The following SWI5 variants were observed in gnomAD, a reference collection of about 807,000 sequenced individuals.
SWI5 encodes DNA repair protein SWI5 homolog.
Under a neutral mutation model 17.0 loss-of-function variants are expected in SWI5, and 12 were observed. The ratio of observed to expected loss-of-function variants is 0.71; its 90% CI spans 0.45 to 1.14. SWI5 has a LOEUF of 1.14. SWI5 is among the 50% of genes most tolerant of loss of function. SWI5 has a pLI of 0.00. For synonymous variants in SWI5, 61 were observed against 64.0 expected, an observed-to-expected ratio of 0.95 and a Z score of 0.22; for missense variants, 158 against 162.2, an observed-to-expected ratio of 0.97 and a Z score of 0.14.
rs1831629147 is a variant in SWI5 at position 128,285,843 on chromosome 9, G to C, written c.234-96G>C. On this transcript the variant is annotated intron_variant, in intron 3 of 4. Transcript: ENST00000418976. The surrounding 1 kb of genome is among the most constrained non-coding windows in gnomAD (Gnocchi z 4.8). ...TATCCCTAGTACCTATCACCGAGTAGGCCATTACAGATGCCTTATTACTAT... is the reference window on the plus strand; with the variant it reads ...TATCCCTAGTACCTATCACCGAGTACGCCATTACAGATGCCTTATTACTAT... 1.3e-6 allele frequency: 1 copy of C among 796,670 alleles called. No individual in the cohort carries two copies. The highest frequency in any genetic ancestry group is 1.7e-5 in the African/African-American group (1 of 59,574). 49.4% of individuals were successfully genotyped at this position (796,670 alleles called of 1,614,324 possible). A position where few individuals can be genotyped will look rare whatever the true frequency, so the allele number is the denominator to read the frequency against.
upstream of SWI5, chr9:128,275,394 G>A: frequency 3.9e-6 from 5 of 1,286,002 alleles, no homozygotes; most frequent in Non-Finnish European, 4.0e-6. Flanking sequence ...CGACGTCCAA[G>A]TCGCCGCTCC....
At chr9:128,283,081 G>A (rs1051226437) in intron 2 of SWI5, among the ~76,000 whole-genome samples, 10 of 152,128 alleles carry the variant, frequency 6.6e-5, no homozygotes, top group South Asian at 2.1e-4. Flanking sequence ...TTGGGAGGCC[G>A]AGGTGGGTGG....
At chr9:128,280,168 A>G (rs1831511547) in intron 2 of SWI5, among the ~76,000 whole-genome samples, 1 of 152,094 alleles carries the variant, frequency 6.6e-6, no homozygotes, top group East Asian at 1.9e-4. Context: ...GCACCTGGGT[A>G]ATCCTTTGCC....
Position 128,285,895 on chromosome 9 carries a change from C to CT in SWI5, c.234-42dup. ...TGAGCCTGGGGCCATCATCTGCTTT[C>CT]TTAACTGGGCTGTCTTTCCCCCTCT... On this transcript the variant is annotated intron_variant, in intron 3 of 4. Transcript: ENST00000418976. This position sits in a 1 kb window ranked among gnomAD's most constrained non-coding sequence, Gnocchi z 4.8. The CT allele has an allele frequency of 7.1e-7, 1 of 1,411,626 alleles. No individual in the cohort carries two copies. The highest frequency in any genetic ancestry group is 1.0e-6 in the Non-Finnish European group (1 of 997,006). 87.4% of individuals were successfully genotyped at this position (1,411,626 alleles called of 1,614,324 possible). A position where few individuals can be genotyped will look rare whatever the true frequency, so the allele number is the denominator to read the frequency against.
At chr9:128,286,366 T>G (rs1274395179) in intron 4 of SWI5, 2 of 254,258 alleles carry the variant, frequency 7.9e-6, no homozygotes, top group Non-Finnish European at 1.5e-5. Flanking sequence ...GTGGCTAGCT[T>G]GCTAAAGAGG....
intron 2 of SWI5, 25 bp downstream of exon 2, chr9:128,276,780 C>T: frequency 1.3e-6 from 2 of 1,590,462 alleles, no homozygotes; most frequent in Non-Finnish European, 1.7e-6. Flanking sequence ...CCCCACACCC[C>T]CTTTCCCATC....
At chr9:128,286,812 A>G (rs1041858480) in intron 4 of SWI5, among the ~76,000 whole-genome samples, 1 of 152,056 alleles carries the variant, frequency 6.6e-6, no homozygotes, top group African/African-American at 2.4e-5. Flanking sequence ...TCAGGGCCCA[A>G]GAAGATGGGG....
upstream of SWI5, chr9:128,275,422 C>T (rs1013946637): frequency 5.4e-6 from 7 of 1,296,578 alleles, no homozygotes; most frequent in Middle Eastern, 2.0e-4. Context: ...GGGAGGGGAC[C>T]GCAGGGCCAG....
rs190726507 is a variant in SWI5 at position 128,286,265 on chromosome 9, G to C, written c.328+232G>C. 67 of 501,320 alleles carry C rather than the reference G, an allele frequency of 1.3e-4. 1 individual carries two copies. In the Admixed American group the frequency reaches 2.0e-3, roughly 15 times the overall value. The allele number at this position is 501,320 out of a possible 1,614,324, so 31.1% of individuals were successfully genotyped here. ...TTTGGAGCCGCAGCCAGGTTTGAGC[G>C]GGGCTTGCCCATCTGCCAGACTGAG... On this transcript the variant is annotated intron_variant, in intron 4 of 4. Transcript: ENST00000418976.
In SWI5 at chr9:128,285,282, GAAGGAAGGAAGGA is replaced by G. The variant is rs977182844; in HGVS notation, c.234-642_234-630del. On this transcript the variant is annotated intron_variant, in intron 3 of 4. Coordinates refer to ENST00000418976, the Ensembl canonical transcript of SWI5. This position sits in a 1 kb window ranked among gnomAD's most constrained non-coding sequence, Gnocchi z 4.8. ...GGAAAGGGAAGGAAGGAAGGGAAAG[GAAGGAAGGAAGGA>G]AAGGAAGGAAGGAAGAAAGAAAGGA... is the stretch of plus-strand genomic sequence containing the variant. Among the ~76,000 whole-genome samples the G allele has an allele frequency of 6.6e-6, 1 of 151,312 alleles. No homozygotes were observed. Among genetic ancestry groups the G allele is most frequent in the African/African-American group, 2.4e-5 (1 of 41,148 alleles).
At chr9:128,279,167 G>A (rs561473572) in intron 2 of SWI5, among the ~76,000 whole-genome samples, 62 of 152,258 alleles carry the variant, frequency 4.1e-4, no homozygotes, top group Admixed American at 3.7e-3. Flanking sequence ...TTCTGTGCCC[G>A]CTCGGCTGGC....
At chr9:128,275,905 T>C (rs758817038), upstream of SWI5, 3 of 1,573,218 alleles carry the variant, frequency 1.9e-6, no homozygotes, top group Non-Finnish European at 1.7e-6. Context: ...TTTTCTTCGC[T>C]GCGGCCAATT....
rs1831603673 is a variant in SWI5, at chr9:128,284,630, GA to G, written c.233del (p.Gly79AlafsTer27). On this transcript the variant is annotated frameshift_variant and splice_region_variant, in exon 3 of 5. Coordinates refer to ENST00000418976, the Ensembl canonical transcript of SWI5. LOFTEE classifies it high-confidence loss of function. ...CAAGGAGATCTCCCAGTTCGTATCT[GA>G]GTAAGTTTCATTGGGTTCCCCATCA... 6.2e-7 allele frequency: 1 copy of G among 1,613,172 alleles called. No homozygotes were observed. Among genetic ancestry groups the G allele is most frequent in the Non-Finnish European group, 8.5e-7 (1 of 1,179,476 alleles).
At chr9:128,278,015 C>T (rs1013279583) in intron 2 of SWI5, among the ~76,000 whole-genome samples, 1 of 141,114 alleles carries the variant, frequency 7.1e-6, no homozygotes, top group African/African-American at 2.7e-5. Context: ...TGCAATGGTG[C>T]GATCTGGGCT....
chr9:128,276,298 T>C, exon 1 of SWI5: 1 of 1,612,700 alleles, frequency 6.2e-7, no homozygotes, highest in Admixed American at 1.7e-5. Flanking sequence ...GGGTCAGAGT[T>C]CCTGGCCCGG....
intron 2 of SWI5, among the ~76,000 whole-genome samples, chr9:128,278,963 G>C (rs1205284081): frequency 3.3e-5 from 5 of 152,042 alleles, no homozygotes; most frequent in Non-Finnish European, 7.4e-5. Flanking sequence ...AGTAGAGACG[G>C]TTTTGCCATG....
At position 128,281,764 on chromosome 9, in the gene SWI5, G is replaced by C. The variant is rs544228147; in HGVS notation, c.112-2746G>C. On this transcript the variant is annotated intron_variant, in intron 2 of 4. Coordinates refer to ENST00000418976, the Ensembl canonical transcript of SWI5. ...AATAATGAAATGCATAACTTGTCGG[G>C]TGACGAAAAATGCTATAAAACATCA... 8.5e-5 allele frequency among the ~76,000 whole-genome samples: 13 copies of C among 152,324 alleles called. 1 individual carries two copies. In the South Asian group the frequency reaches 2.5e-3, roughly 29 times the overall value.
At chr9:128,282,463 G>A (rs191942663) in intron 2 of SWI5, among the ~76,000 whole-genome samples, 6 of 152,324 alleles carry the variant, frequency 3.9e-5, no homozygotes, top group African/African-American at 1.4e-4. Context: ...AGATGTTACT[G>A]TTGTAGACAG....
chr9:128,288,482 A>C (rs1160800471), intron 4 of SWI5, among the ~76,000 whole-genome samples, 170 bp from the exon 5 acceptor site: 1 of 152,194 alleles, frequency 6.6e-6, no homozygotes, highest in African/African-American at 2.4e-5. Flanking sequence ...GCCTGGAAGG[A>C]GTAGCAGGGA....
Sources: allele counts gnomAD v4.1 joint callset (sites outside exome capture counted in the v4.1 genomes callset), GRCh38; gene constraint gnomAD v4.1.1; non-coding constraint Gnocchi (gnomAD v3.1); transcripts MANE v1.5; gene names NCBI Gene and HGNC (gene_info 2026-07-23, HGNC 2026-07-21).